LEPR: variants seen among roughly 807,000 people sequenced by gnomAD.
The protein encoded by LEPR is leptin receptor, also known as OB receptor.
A neutral mutation model predicts 114.7 loss-of-function variants in LEPR; 56 were observed. The observed-to-expected ratio is 0.49, with a 90% confidence interval of 0.39 to 0.61. LEPR has a LOEUF of 0.61. Among genes scored for constraint, LEPR ranks in the 20% least tolerant of loss-of-function variants. The pLI is 0.00. For synonymous variants in LEPR, 443 were observed against 461.4 expected, an observed-to-expected ratio of 0.96 and a Z score of 0.51; for missense variants, 1,202 against 1,352.9, an observed-to-expected ratio of 0.89 and a Z score of 1.75.
intron 2 of LEPR, among the ~76,000 whole-genome samples, chr1:65,518,907 T>TTC (rs756465462): frequency 2.8e-3 from 339 of 119,188 alleles, no homozygotes; most frequent in Admixed American, 3.9e-3. Flanking sequence ...CTTTCTTTCT[T>TTC]TCTTTCTTTC....
intron 2 of LEPR, among the ~76,000 whole-genome samples, chr1:65,453,439 G>A (rs370207269): frequency 0.04 from 6,087 of 150,990 alleles, 158 homozygotes; most frequent in South Asian, 0.087. Context: ...TTCCCTCGAC[G>A]CACTGCTTTG....
chr1:65,466,802 T>C (rs527505530), intron 2 of LEPR, among the ~76,000 whole-genome samples: 1 of 152,344 alleles, frequency 6.6e-6, no homozygotes, highest in East Asian at 1.9e-4. Context: ...CATCCTTTCT[T>C]CCACTTGATT....
intron 2 of LEPR, among the ~76,000 whole-genome samples, chr1:65,475,575 CTACTT>C (rs1159426778): frequency 6.6e-6 from 1 of 152,042 alleles, no homozygotes; most frequent in African/African-American, 2.4e-5. Flanking sequence ...ATTTGGAAGA[CTACTT>C]TAAAACATTC....
At chr1:65,454,708 C>T (rs534351122) in intron 2 of LEPR, among the ~76,000 whole-genome samples, 2 of 152,086 alleles carry the variant, frequency 1.3e-5, no homozygotes, top group Admixed American at 6.5e-5. Flanking sequence ...CTCTGGCTGC[C>T]CTTAACATTT....
intron 2 of LEPR, among the ~76,000 whole-genome samples, chr1:65,535,535 G>T (rs1175064307): frequency 6.6e-6 from 1 of 151,762 alleles, no homozygotes; most frequent in African/African-American, 2.4e-5. Context: ...ATTTTTAGTA[G>T]GGACGAAGTC....
At chr1:65,558,407 A>C (rs1652980202) in intron 2 of LEPR, among the ~76,000 whole-genome samples, 2 of 150,512 alleles carry the variant, frequency 1.3e-5, no homozygotes, top group South Asian at 4.2e-4. Flanking sequence ...AAATAAACAA[A>C]CACTTTTTTC....
chr1:65,551,792 G>A (rs1028656627), intron 2 of LEPR, among the ~76,000 whole-genome samples: 1 of 152,096 alleles, frequency 6.6e-6, no homozygotes, highest in Non-Finnish European at 1.5e-5. Context: ...TTTTAATTGT[G>A]ATGATAGGGT....
chr1:65,431,665 C>A, intron 2 of LEPR: 1 of 783,646 alleles, frequency 1.3e-6, no homozygotes, highest in Non-Finnish European at 2.0e-6. Flanking sequence ...AGTTCATTGT[C>A]TCCTGTTACA....
intron 3 of LEPR, among the ~76,000 whole-genome samples, chr1:65,566,307 A>G (rs1309782330): frequency 6.6e-6 from 1 of 151,340 alleles, no homozygotes; most frequent in Non-Finnish European, 1.5e-5. Flanking sequence ...GATTCAAGCA[A>G]TTCTCCTGCC....
rs565933577 is a variant in LEPR, at chr1:65,591,824, A to G, written c.495-833A>G. Among the ~76,000 whole-genome samples the G allele has an allele frequency of 4.6e-4, 70 of 152,008 alleles. 2 individuals carry two copies. Among genetic ancestry groups the G allele is most frequent in the African/African-American group, 1.6e-3 (67 of 41,518 alleles). ...CTGTTTGCATTTAGTGTGAAAATTGATATGTTTAGGTTTAAATCTTTTTAT... is the reference window on the plus strand; with the variant it reads ...CTGTTTGCATTTAGTGTGAAAATTGGTATGTTTAGGTTTAAATCTTTTTAT... On this transcript the variant is annotated intron_variant, in intron 5 of 19. Coordinates refer to ENST00000349533, the MANE Select transcript of LEPR (RefSeq NM_002303.6).
At chr1:65,589,727 C>G (rs1161348852) in intron 5 of LEPR, among the ~76,000 whole-genome samples, 1 of 151,996 alleles carries the variant, frequency 6.6e-6, no homozygotes, top group African/African-American at 2.4e-5. Context: ...AATCAGTTGT[C>G]CATGTAAGTG....
At chr1:65,545,945 A>G (rs1271787821) in intron 2 of LEPR, among the ~76,000 whole-genome samples, 5 of 150,560 alleles carry the variant, frequency 3.3e-5, no homozygotes, top group African/African-American at 7.3e-5. Flanking sequence ...TTTTAGGTCT[A>G]ACGTTTAAGT....
intron 2 of LEPR, among the ~76,000 whole-genome samples, chr1:65,500,388 C>T (rs1015650328): frequency 1.2e-4 from 19 of 152,102 alleles, no homozygotes; most frequent in Admixed American, 1.1e-3. Context: ...TTTCCCCTGA[C>T]TATAATACAG....
At chr1:65,513,973 AATAG>A (rs1466022093) in intron 2 of LEPR, among the ~76,000 whole-genome samples, 3 of 152,218 alleles carry the variant, frequency 2.0e-5, no homozygotes, top group Non-Finnish European at 4.4e-5. Context: ...GAAATAGGCA[AATAG>A]ATAAAGAAAA....
intron 2 of LEPR, chr1:65,526,455 A>T: frequency 3.1e-6 from 3 of 977,006 alleles, no homozygotes; most frequent in South Asian, 4.7e-5. Context: ...GGTGCCATTT[A>T]AAAACTGGTT....
intron 2 of LEPR, among the ~76,000 whole-genome samples, chr1:65,488,215 TCTC>T (rs1557620232): frequency 0.01 from 548 of 52,860 alleles, 26 homozygotes; most frequent in Admixed American, 0.013. Context: ...TTTCTTTCTC[TCTC>T]TCTCTCTCTC....
In LEPR at chr1:65,633,530, G is replaced by A. The variant is rs888563913; in HGVS notation, c.2674-2661G>A. The A allele has an allele frequency of 2.9e-6, 3 of 1,044,030 alleles. No individual in the cohort carries two copies. Among genetic ancestry groups the A allele is most frequent in the African/African-American group, 3.4e-5 (2 of 59,258 alleles). 64.7% of individuals were successfully genotyped at this position (1,044,030 alleles called of 1,614,324 possible). On this transcript the variant is annotated intron_variant, in intron 19 of 19. Transcript: ENST00000349533. This position sits in a 1 kb window ranked among gnomAD's most constrained non-coding sequence, Gnocchi z 4.1. ...ATATCTATTAAATGTCATCAAATAT[G>A]TAGTAGACAATGCTGTAATTAGGTG...
intron 2 of LEPR, among the ~76,000 whole-genome samples, chr1:65,445,577 C>G (rs1296692280): frequency 6.6e-6 from 1 of 151,786 alleles, no homozygotes; most frequent in African/African-American, 2.4e-5. Context: ...AACTCACTAC[C>G]AGGATCAGCC....
chr1:65,571,535 G>A (rs753896071), intron 4 of LEPR, among the ~76,000 whole-genome samples: 1 of 151,616 alleles, frequency 6.6e-6, no homozygotes, highest in Non-Finnish European at 1.5e-5. Context: ...CCTCCAGTAT[G>A]AAAATACAGG....
Sources: gnomAD v4.1 joint callset for allele counts (sites outside exome capture counted in the v4.1 genomes callset) on GRCh38, gnomAD v4.1.1 for gene constraint, Gnocchi (gnomAD v3.1) non-coding constraint, MANE v1.5 for transcripts, NCBI Gene and HGNC (gene_info 2026-07-23, HGNC 2026-07-21) for gene names.